The following KIAA1328 variants were observed in gnomAD, a reference collection of about 807,000 sequenced individuals.
The protein encoded by KIAA1328 is KIAA1328, also known as protein hinderin.
A neutral mutation model predicts 68.1 loss-of-function variants in KIAA1328; 52 were observed. The ratio of observed to expected loss-of-function variants is 0.76; its 90% CI spans 0.61 to 0.96. The LOEUF (loss-of-function observed/expected upper bound fraction) is 0.96, where lower values mean the gene tolerates loss of function less well. Ranked by LOEUF, KIAA1328 falls within the 40% of genes least tolerant of loss-of-function variation. The pLI, the probability that KIAA1328 is intolerant of heterozygous loss-of-function variation, is 0.00. For synonymous variants in KIAA1328, 232 were observed against 239.4 expected (o/e 0.97, Z 0.28); for missense variants, 641 against 677.6 (o/e 0.95, Z 0.60).
intron 7 of KIAA1328, among the ~76,000 whole-genome samples, chr18:37,076,162 A>T (rs1395244377): frequency 6.6e-6 from 1 of 152,242 alleles, no homozygotes; most frequent in East Asian, 1.9e-4. Context: ...TCAAACTAGA[A>T]CTCAGAATTA....
At position 36,956,543 on chromosome 18, in the gene KIAA1328, T is replaced by TGGG. The variant is rs112740428; in HGVS notation, c.449-2757_449-2755dup. 3.3e-3 allele frequency among the ~76,000 whole-genome samples: 455 copies of TGGG among 137,116 alleles called. 5 individuals carry two copies. Among genetic ancestry groups the TGGG allele is most frequent in the African/African-American group, 0.011 (375 of 35,622 alleles). The allele number at this position is 137,116 out of a possible 152,430, so 90.0% of individuals were successfully genotyped here. On this transcript the variant is annotated intron_variant, in intron 5 of 9. Transcript: ENST00000280020. ...CTCATTGTGCTAAGGAGGAAGGAAG[T>TGGG]GGGGGGGGGGTGCATTTAGAAATCT... is the stretch of plus-strand genomic sequence containing the variant.
At chr18:37,143,594 G>C (rs896777911) in intron 7 of KIAA1328, among the ~76,000 whole-genome samples, 11 of 125,024 alleles carry the variant, frequency 8.8e-5, no homozygotes, top group Non-Finnish European at 1.3e-4. Flanking sequence ...TGTTAAAGAA[G>C]ACATCCTTAT....
chr18:37,041,596 C>T (rs1451685978), intron 6 of KIAA1328, among the ~76,000 whole-genome samples: 1 of 150,740 alleles, frequency 6.6e-6, no homozygotes, highest in African/African-American at 2.4e-5. Flanking sequence ...ATATGCCCAT[C>T]GATGTCTTAC....
At chr18:36,923,258 G>A (rs1450036334) in intron 5 of KIAA1328, among the ~76,000 whole-genome samples, 3 of 152,048 alleles carry the variant, frequency 2.0e-5, no homozygotes, top group African/African-American at 7.2e-5. Flanking sequence ...CCTTAAACTA[G>A]TAAAAGCAAA....
intron 9 of KIAA1328, among the ~76,000 whole-genome samples, chr18:37,203,248 CAAGAT>C (rs1367665574): frequency 4.6e-5 from 7 of 152,036 alleles, no homozygotes; most frequent in African/African-American, 7.2e-5. Flanking sequence ...TCTGACCACA[CAAGAT>C]AAGATTTTCA....
Position 36,908,757 on chromosome 18 carries a change from A to G in KIAA1328, c.448+23085A>G, listed in dbSNP as rs534662691. Among the ~76,000 whole-genome samples, 25 of 152,286 alleles carry G rather than the reference A, an allele frequency of 1.6e-4. No individual in the cohort carries two copies. In the South Asian group the frequency reaches 5.2e-3, roughly 32 times the overall value. ...CAGAGCAGAATTTGCAGCTGTGTGA[A>G]TCCAGAATATATATTACCTATTATT... On this transcript the variant is annotated intron_variant, in intron 5 of 9. Transcript: ENST00000280020.
intron 7 of KIAA1328, among the ~76,000 whole-genome samples, chr18:37,098,202 C>T (rs1274091169): frequency 6.6e-6 from 1 of 152,220 alleles, no homozygotes; most frequent in Non-Finnish European, 1.5e-5. Context: ...ATGGTATTGG[C>T]TGTGGGTTTG....
chr18:36,978,002 C>T (rs2052538407), intron 6 of KIAA1328, among the ~76,000 whole-genome samples: 1 of 151,988 alleles, frequency 6.6e-6, no homozygotes, highest in African/African-American at 2.4e-5. Flanking sequence ...CAGGCTGGCT[C>T]CAGCTCCTGG....
At chr18:37,178,789 AT>A (rs1444157356) in intron 9 of KIAA1328, among the ~76,000 whole-genome samples, 2 of 152,130 alleles carry the variant, frequency 1.3e-5, no homozygotes, top group African/African-American at 4.8e-5. Flanking sequence ...GCAAAGTGAT[AT>A]TTCATTGTGG....
intron 4 of KIAA1328, among the ~76,000 whole-genome samples, chr18:36,879,244 T>C (rs1568113915): frequency 6.6e-6 from 1 of 152,178 alleles, no homozygotes; most frequent in Non-Finnish European, 1.5e-5. Context: ...GTTATTGCTT[T>C]CTGTTTGTTA....
chr18:37,028,248 C>T (rs934908243), intron 6 of KIAA1328, among the ~76,000 whole-genome samples: 9 of 152,194 alleles, frequency 5.9e-5, no homozygotes, highest in African/African-American at 1.9e-4. Flanking sequence ...AGATCTTTTA[C>T]CTTCCTGATT....
At chr18:36,943,614 T>C (rs570732092) in intron 5 of KIAA1328, among the ~76,000 whole-genome samples, 4 of 152,368 alleles carry the variant, frequency 2.6e-5, no homozygotes, top group Admixed American at 2.0e-4. Context: ...GAACAATTTT[T>C]GCACAGGTGG....
chr18:37,044,516 G>T (rs1395165256), intron 6 of KIAA1328, among the ~76,000 whole-genome samples: 1 of 152,086 alleles, frequency 6.6e-6, no homozygotes, highest in Non-Finnish European at 1.5e-5. Flanking sequence ...CAAAATTTTA[G>T]GCCAGACATG....
intron 9 of KIAA1328, among the ~76,000 whole-genome samples, chr18:37,178,102 A>C (rs2059629193): frequency 6.6e-6 from 1 of 152,092 alleles, no homozygotes; most frequent in African/African-American, 2.4e-5. Flanking sequence ...AATAAAATGC[A>C]ATATTGTTAG....
chr18:37,059,853 A>G (rs1312559869), intron 6 of KIAA1328, among the ~76,000 whole-genome samples: 13 of 152,286 alleles, frequency 8.5e-5, no homozygotes, highest in African/African-American at 3.1e-4. Context: ...GGAATACTAT[A>G]CAGCCATAAA....
chr18:37,001,363 G>T (rs944589970), intron 6 of KIAA1328, among the ~76,000 whole-genome samples: 16 of 152,084 alleles, frequency 1.1e-4, no homozygotes, highest in Non-Finnish European at 1.2e-4. Context: ...TGTTGAGCAA[G>T]ATTGAGTCAG....
intron 7 of KIAA1328, among the ~76,000 whole-genome samples, chr18:37,095,051 T>A (rs1401745820): frequency 2.0e-5 from 3 of 151,992 alleles, no homozygotes; most frequent in Non-Finnish European, 4.4e-5. Context: ...GGTAAATACA[T>A]ATACATCCTG....
At chr18:37,077,697 G>C (rs201160454) in intron 7 of KIAA1328, among the ~76,000 whole-genome samples, 15,846 of 106,636 alleles carry the variant, frequency 0.15, 2,509 homozygotes, top group African/African-American at 0.42. Context: ...AACAGACAGA[G>C]AGCCAAATCA....
At position 37,160,376 on chromosome 18, in the gene KIAA1328, A is replaced by C; in HGVS notation, c.1409A>C (p.Gln470Pro). The C allele has an allele frequency of 6.2e-7, 1 of 1,611,930 alleles. No individual in the cohort carries two copies. Residue 470 changes from glutamine (Q) to proline (P), a missense_variant, in exon 8 of 10, where the codon CAA becomes CCA. Coordinates refer to ENST00000280020, the MANE Select transcript of KIAA1328 (RefSeq NM_020776.3). ...SCQKKDTCRP[Q>P]RGTVTGVRKD... ...CAAAAGAAAGATACATGTAGACCCC[A>C]AAGAGGTAAGTTTAACAACTGTAGT...
Sources: allele counts gnomAD v4.1 joint callset (sites outside exome capture counted in the v4.1 genomes callset), GRCh38; gene constraint gnomAD v4.1.1; transcripts MANE v1.5; gene names NCBI Gene and HGNC (gene_info 2026-07-23, HGNC 2026-07-21).